VTA1: variants seen among roughly 807,000 people sequenced by gnomAD.
The protein encoded by VTA1 is vacuolar protein sorting-associated protein VTA1 homolog.
Under a neutral mutation model 36.9 loss-of-function variants are expected in VTA1, and 24 were observed. The ratio of observed to expected loss-of-function variants is 0.65; its 90% CI spans 0.47 to 0.91. VTA1 has a LOEUF of 0.91. Among genes scored for constraint, VTA1 ranks in the 40% least tolerant of loss-of-function variants. The pLI is 0.00. For missense variants in VTA1, 393 were observed against 377.2 expected (o/e 1.04, Z -0.35); for synonymous variants, 142 against 130.2 (o/e 1.09, Z -0.62).
chr6:142,171,480 A>G (rs1456188407), intron 4 of VTA1, among the ~76,000 whole-genome samples: 1 of 152,204 alleles, frequency 6.6e-6, no homozygotes, highest in Non-Finnish European at 1.5e-5. Flanking sequence ...TGTAAAATGC[A>G]TATAAGACTT....
chr6:142,207,042 G>A (rs1254275786), intron 7 of VTA1, among the ~76,000 whole-genome samples: 3 of 151,994 alleles, frequency 2.0e-5, no homozygotes, highest in African/African-American at 7.3e-5. Flanking sequence ...CCCACCAACA[G>A]AAAACGAAAA....
At chr6:142,194,878 G>A (rs778086788) in intron 5 of VTA1, among the ~76,000 whole-genome samples, 5 of 152,014 alleles carry the variant, frequency 3.3e-5, no homozygotes, top group Non-Finnish European at 5.9e-5. Flanking sequence ...ATTTTGTCAA[G>A]TGCTTTTTAT....
At chr6:142,181,090 AAAAAAT>A (rs1406286099) in intron 4 of VTA1, among the ~76,000 whole-genome samples, 4 of 41,066 alleles carry the variant, frequency 9.7e-5, no homozygotes, top group Non-Finnish European at 2.2e-4. Flanking sequence ...AAAAAAAAAA[AAAAAAT>A]ATATATATAT....
intron 6 of VTA1, among the ~76,000 whole-genome samples, chr6:142,202,167 T>A (rs968976843): frequency 1.3e-5 from 2 of 151,950 alleles, no homozygotes; most frequent in Non-Finnish European, 2.9e-5. Context: ...TTTAAAATAA[T>A]ATATATTTAT....
intron 5 of VTA1, among the ~76,000 whole-genome samples, chr6:142,197,612 G>A (rs954952403): frequency 3.3e-5 from 5 of 152,016 alleles, no homozygotes; most frequent in African/African-American, 1.2e-4. Flanking sequence ...GTTTTTATTA[G>A]CTAAATGCAT....
At chr6:142,163,740 A>G (rs533588143) in intron 1 of VTA1, among the ~76,000 whole-genome samples, 26 of 152,264 alleles carry the variant, frequency 1.7e-4, no homozygotes, top group African/African-American at 5.5e-4. Flanking sequence ...AACATAGTTC[A>G]TAATTGAGAG....
At chr6:142,159,988 TTTC>T (rs1381209011) in intron 1 of VTA1, among the ~76,000 whole-genome samples, 2 of 152,202 alleles carry the variant, frequency 1.3e-5, no homozygotes, top group Non-Finnish European at 2.9e-5. Flanking sequence ...GCTTATATTT[TTTC>T]TTCTTATGGA....
chr6:142,160,031 G>A (rs888024188), intron 1 of VTA1, among the ~76,000 whole-genome samples: 2 of 152,074 alleles, frequency 1.3e-5, no homozygotes, highest in East Asian at 3.9e-4. Context: ...GGCCTCTTTA[G>A]TAATTTTTGA....
In VTA1 at chr6:142,159,279, A is replaced by G. The variant is rs1452101278; in HGVS notation, c.113-6949A>G. On this transcript the variant is annotated intron_variant, in intron 1 of 7. Coordinates refer to ENST00000367630, the MANE Select transcript of VTA1 (RefSeq NM_016485.5). ...CTTGGGAGGCTGAGGTGGAAGAACC[A>G]TCTGCGCCCAGGAAGTGGAGGTTGC... 3.3e-5 allele frequency among the ~76,000 whole-genome samples: 5 copies of G among 152,002 alleles called. No homozygotes were observed. The East Asian group carries it at 9.7e-4, about 29-fold the overall frequency.
chr6:142,192,961 GTATT>G (rs911799879), intron 5 of VTA1, among the ~76,000 whole-genome samples: 1 of 152,008 alleles, frequency 6.6e-6, no homozygotes, highest in Non-Finnish European at 1.5e-5. Flanking sequence ...GAGAAGTATA[GTATT>G]TATTTAGTGT....
intron 7 of VTA1, among the ~76,000 whole-genome samples, chr6:142,205,043 T>G (rs887128233): frequency 2.0e-5 from 3 of 152,110 alleles, no homozygotes; most frequent in Admixed American, 6.6e-5. Context: ...TAATAGCTGT[T>G]ATTTAGTTTC....
chr6:142,170,424 G>C lies in VTA1; in HGVS notation c.411+3G>C. On this transcript the variant is annotated splice_donor_region_variant and intron_variant, in intron 4 of 7. Transcript: ENST00000367630. ...TATTTGGAGAACTCACTGATGAAGT[G>C]AGTGTACATTCTTTATTGTCTTATT... is the stretch of plus-strand genomic sequence containing the variant. 1 of 1,578,736 alleles carries C rather than the reference G, an allele frequency of 6.3e-7. No homozygotes were observed. The highest frequency in any genetic ancestry group is 8.7e-7 in the Non-Finnish European group (1 of 1,155,768).
At chr6:142,181,866 T>C in intron 4 of VTA1, among the ~76,000 whole-genome samples, 1 of 152,300 alleles carries the variant, frequency 6.6e-6, no homozygotes, top group East Asian at 1.9e-4. Context: ...TTGAAAAATA[T>C]AAAAGGATTA....
rs1402789831 is a variant in VTA1 at position 142,198,608 on chromosome 6, C to T, written c.690C>T (p.His230=). The change falls in exon 6 of 8, where the codon CAC becomes CAT. Residue 230 remains histidine, a synonymous_variant. Transcript: ENST00000367630. ...APANTPAEVP[H]STGVASNTIQ... ...CTAATACACCAGCAGAAGTGCCTCA[C>T]AGCACAGGTGGGAAACTGTAACTGA... The T allele has an allele frequency of 1.2e-6, 2 of 1,610,698 alleles. No homozygotes were observed. The highest frequency in any genetic ancestry group is 1.7e-6 in the Non-Finnish European group (2 of 1,178,064).
chr6:142,153,864 G>T (rs1778613074), intron 1 of VTA1, among the ~76,000 whole-genome samples: 1 of 152,092 alleles, frequency 6.6e-6, no homozygotes, highest in Non-Finnish European at 1.5e-5. Context: ...TGCAGCACAT[G>T]TAGTTGTAAG....
At position 142,224,094 on chromosome 6, in the gene VTA1, G is replaced by A. The variant is rs1776160164; in HGVS notation, c.*5451G>A. ...CAGGTCCCATAGGGAGGCAATTAAG[G>A]TTACATGAGATCATAAAGGTGAGGC... On this transcript the variant is annotated 3_prime_UTR_variant, in exon 8 of 8. Coordinates refer to ENST00000367630, the MANE Select transcript of VTA1 (RefSeq NM_016485.5). 6.6e-6 allele frequency: 1 copy of A among 152,152 alleles called. No homozygotes were observed. The highest frequency in any genetic ancestry group is 2.4e-5 in the African/African-American group (1 of 41,440). 9.4% of individuals were successfully genotyped at this position (152,152 alleles called of 1,614,324 possible).
At chr6:142,148,052 A>G (rs1170179936) in intron 1 of VTA1, among the ~76,000 whole-genome samples, 1 of 152,234 alleles carries the variant, frequency 6.6e-6, no homozygotes, top group Non-Finnish European at 1.5e-5. Context: ...ATTAAAAAAA[A>G]TATAGGTTAA....
intron 1 of VTA1, among the ~76,000 whole-genome samples, chr6:142,155,626 T>G (rs1778648707): frequency 6.6e-6 from 1 of 152,194 alleles, no homozygotes; most frequent in Non-Finnish European, 1.5e-5. Context: ...AATCACCTTT[T>G]GTAGTTTTAA....
intron 7 of VTA1, among the ~76,000 whole-genome samples, chr6:142,206,951 GT>G (rs1775803510): frequency 6.6e-6 from 1 of 152,108 alleles, no homozygotes; most frequent in Admixed American, 6.5e-5. Context: ...ACTCAAAATG[GT>G]TCTGATGCCT....
Sources: gnomAD v4.1 joint callset for allele counts (sites outside exome capture counted in the v4.1 genomes callset) on GRCh38, gnomAD v4.1.1 for gene constraint, MANE v1.5 for transcripts, NCBI Gene and HGNC (gene_info 2026-07-23, HGNC 2026-07-21) for gene names.